ACSL4: variants seen among roughly 807,000 people sequenced by gnomAD.
ACSL4 encodes long-chain-fatty-acid--CoA ligase 4.
A neutral mutation model predicts 49.1 loss-of-function variants in ACSL4; 9 were observed. The ratio of observed to expected loss-of-function variants is 0.18; its 90% CI spans 0.11 to 0.32. The LOEUF (loss-of-function observed/expected upper bound fraction) is 0.32, where lower values mean the gene tolerates loss of function less well. Ranked by LOEUF, ACSL4 falls within the 10% of genes least tolerant of loss-of-function variation. The probability of loss-of-function intolerance (pLI) is 1.00; values close to 1 mark genes in which losing one functional copy is unlikely to be tolerated. For missense variants in ACSL4, 333 were observed against 493.7 expected, an observed-to-expected ratio of 0.67 and a Z score of 3.08; for synonymous variants, 191 against 170.3, an observed-to-expected ratio of 1.12 and a Z score of -0.95.
Position 109,677,705 on chromosome X carries a change from C to T in ACSL4, c.930+283G>A, listed in dbSNP as rs183315753. The stretch of plus-strand genomic sequence containing the variant: ...CTGAGGCAGGAGAATCGCTTGAACC[C>T]GAGAGGCAAAGGTTGCAGTGAGCCA... On this transcript the variant is annotated intron_variant, in intron 8 of 15. Transcript: ENST00000672401. Among the ~76,000 whole-genome samples the T allele has an allele frequency of 3.4e-3, 371 of 110,081 alleles. 3 individuals are homozygous for T. The highest frequency in any genetic ancestry group is 0.012 in the African/African-American group (358 of 30,218).
chrX:109,717,663 C>T (rs1484853205), intron 1 of ACSL4, among the ~76,000 whole-genome samples: 1 of 111,091 alleles, frequency 9.0e-6, no homozygotes, highest in Non-Finnish European at 1.9e-5. Flanking sequence ...AGCAATGGGG[C>T]AGTGCCGGTA....
chrX:109,657,430 G>A (rs772346184), intron 15 of ACSL4, among the ~76,000 whole-genome samples: 6 of 101,820 alleles, frequency 5.9e-5, no homozygotes, highest in East Asian at 3.1e-4. Flanking sequence ...AAGTGTTCTC[G>A]TTGTTCAATT....
At chrX:109,688,059 C>A (rs1270780909) in intron 2 of ACSL4, among the ~76,000 whole-genome samples, 1 of 111,988 alleles carries the variant, frequency 8.9e-6, no homozygotes, top group Non-Finnish European at 1.9e-5. Flanking sequence ...GAGACCACAC[C>A]GCACTAGTCC....
At chrX:109,724,368 G>A (rs899838622) in intron 1 of ACSL4, among the ~76,000 whole-genome samples, 4 of 110,976 alleles carry the variant, frequency 3.6e-5, no homozygotes, top group Non-Finnish European at 5.7e-5. Flanking sequence ...TCTGCCTCCC[G>A]GGCACAAGCT....
At chrX:109,696,639 G>A (rs1301620429) in intron 1 of ACSL4, among the ~76,000 whole-genome samples, 1 of 112,426 alleles carries the variant, frequency 8.9e-6, no homozygotes, top group Non-Finnish European at 1.9e-5. Context: ...GAAACAACAC[G>A]AGGTTTCTTC....
intron 1 of ACSL4, among the ~76,000 whole-genome samples, chrX:109,700,946 G>A (rs1925871749): frequency 9.1e-6 from 1 of 109,701 alleles, no homozygotes; most frequent in Non-Finnish European, 1.9e-5. Flanking sequence ...AGGAGGCTGA[G>A]GCAGGAGAAT....
chrX:109,669,224 T>C (rs772519682), intron 9 of ACSL4, 51 bp from the exon 10 acceptor site: 15 of 998,173 alleles, frequency 1.5e-5, no homozygotes, highest in African/African-American at 1.9e-5. Context: ...GAGACAGTCT[T>C]TAGTTGAAGA....
intron 1 of ACSL4, among the ~76,000 whole-genome samples, chrX:109,731,664 T>G (rs1928459722): frequency 9.0e-6 from 1 of 111,237 alleles, no homozygotes; most frequent in African/African-American, 3.3e-5. Context: ...GTTGTCAAAT[T>G]ATTTCTTATA....
Position 109,641,855 on chromosome X carries a change from G to A in ACSL4, c.*2174C>T, listed in dbSNP as rs755973416. 4 of 112,788 alleles carry A rather than the reference G, an allele frequency of 3.5e-5. No homozygotes were observed. The East Asian group carries it at 1.1e-3, about 31-fold the overall frequency. The allele number at this position is 112,788 out of a possible 1,213,427, so 9.3% of individuals were successfully genotyped here. The stretch of plus-strand genomic sequence containing the variant: ...AGTACAACTTTAGTTGATGGCTGAT[G>A]TGTATGTAATAACTGTGAGCAATTT... On this transcript the variant is annotated 3_prime_UTR_variant, in exon 16 of 16. Transcript: ENST00000672401.
chrX:109,700,967 C>T (rs942790075), intron 1 of ACSL4, among the ~76,000 whole-genome samples: 2 of 109,982 alleles, frequency 1.8e-5, no homozygotes, highest in African/African-American at 6.6e-5. Context: ...CACTTGAACC[C>T]GGGAGGCAGA....
chrX:109,703,930 A>C (rs904147641), intron 1 of ACSL4, among the ~76,000 whole-genome samples: 2 of 111,246 alleles, frequency 1.8e-5, no homozygotes, highest in African/African-American at 3.3e-5. Context: ...AAAAAAAAAA[A>C]ATTCACTATG....
At chrX:109,690,892 G>A (rs1474140095) in intron 2 of ACSL4, among the ~76,000 whole-genome samples, 1 of 110,533 alleles carries the variant, frequency 9.0e-6, no homozygotes, top group South Asian at 3.9e-4. Context: ...CAAACACTCC[G>A]AGATAGGTTA....
chrX:109,702,712 T>A (rs1926064298), intron 1 of ACSL4, among the ~76,000 whole-genome samples: 1 of 111,790 alleles, frequency 8.9e-6, no homozygotes, highest in Non-Finnish European at 1.9e-5. Context: ...AAGTGCTGAA[T>A]TTTTTTAAAT....
At chrX:109,730,294 T>A (rs1411181417) in intron 1 of ACSL4, among the ~76,000 whole-genome samples, 1 of 112,191 alleles carries the variant, frequency 8.9e-6, no homozygotes, top group African/African-American at 3.2e-5. Flanking sequence ...AAAGAGTATA[T>A]AAGACCAGCC....
chrX:109,693,262 TAAAA>T (rs1047600812), intron 2 of ACSL4, among the ~76,000 whole-genome samples: 2 of 103,788 alleles, frequency 1.9e-5, no homozygotes, highest in African/African-American at 7.0e-5. Flanking sequence ...TATCGTGATT[TAAAA>T]AAAAAAAAAC....
chrX:109,659,988 GA>G (rs1213246873), intron 14 of ACSL4, among the ~76,000 whole-genome samples: 12 of 101,117 alleles, frequency 1.2e-4, no homozygotes, highest in African/African-American at 1.4e-4. Flanking sequence ...AAAACTGCTA[GA>G]AAAAAAAAAA....
intron 10 of ACSL4, 106 bp downstream of exon 10, chrX:109,668,928 G>A (rs1444909433): frequency 3.1e-6 from 2 of 647,430 alleles, no homozygotes; most frequent in African/African-American, 4.4e-5. Context: ...GATCATGGTG[G>A]TGATATTCAA....
chrX:109,663,561 G>C (rs1396274847), intron 12 of ACSL4, among the ~76,000 whole-genome samples, 159 bp from the exon 13 acceptor site: 4 of 111,299 alleles, frequency 3.6e-5, no homozygotes, highest in African/African-American at 1.3e-4. Flanking sequence ...AGGATACTGG[G>C]TGACTGTGAT....
intron 1 of ACSL4, among the ~76,000 whole-genome samples, chrX:109,718,298 C>T (rs938442067): frequency 8.9e-6 from 1 of 112,405 alleles, no homozygotes; most frequent in Admixed American, 9.4e-5. Flanking sequence ...AAATGTGTTA[C>T]TTACATCTCA....
Sources: gnomAD v4.1 joint callset for allele counts (sites outside exome capture counted in the v4.1 genomes callset) on GRCh38, gnomAD v4.1.1 for gene constraint, MANE v1.5 for transcripts, NCBI Gene and HGNC (gene_info 2026-07-23, HGNC 2026-07-21) for gene names.